The following DOCK3 variants were observed in gnomAD, a reference collection of about 807,000 sequenced individuals.
DOCK3 encodes dedicator of cytokinesis protein 3.
A neutral mutation model predicts 265.6 loss-of-function variants in DOCK3; 60 were observed. The ratio of observed to expected loss-of-function variants is 0.23; its 90% CI spans 0.18 to 0.28. The LOEUF (loss-of-function observed/expected upper bound fraction) is 0.28, where lower values mean the gene tolerates loss of function less well. DOCK3 is among the 10% of genes least tolerant of loss of function. The probability of loss-of-function intolerance (pLI) is 1.00; values close to 1 mark genes in which losing one functional copy is unlikely to be tolerated. For missense variants in DOCK3, 1,981 were observed against 2,594.3 expected (o/e 0.76, Z 5.14); for synonymous variants, 881 against 938.0 (o/e 0.94, Z 1.11).
At chr3:51,079,174 G>GA (rs985930238) in intron 7 of DOCK3, among the ~76,000 whole-genome samples, 2 of 152,094 alleles carry the variant, frequency 1.3e-5, no homozygotes, top group Admixed American at 6.5e-5. Flanking sequence ...TGATTTTAGG[G>GA]AAAAAATCCT....
intron 5 of DOCK3, among the ~76,000 whole-genome samples, chr3:50,940,288 CCAA>C (rs2076253342): frequency 5.6e-5 from 1 of 18,002 alleles, no homozygotes. Context: ...CCCATTTCTA[CCAA>C]AAAAAAAAAA....
At chr3:51,156,214 A>G (rs1049756050) in intron 10 of DOCK3, among the ~76,000 whole-genome samples, 1 of 152,222 alleles carries the variant, frequency 6.6e-6, no homozygotes, top group Non-Finnish European at 1.5e-5. Flanking sequence ...TCCCAGGCAC[A>G]GGGAAGTTAA....
At position 50,844,272 on chromosome 3, in the gene DOCK3, G is replaced by A. The variant is rs1042811882; in HGVS notation, c.162+2557G>A. Reference sequence around the variant, plus strand: ...ACTCTGTCATCCAGGCTGGAGTCCAGTGGCATGATTATAGCTCACTATAGT... The same window carrying A: ...ACTCTGTCATCCAGGCTGGAGTCCAATGGCATGATTATAGCTCACTATAGT... On this transcript the variant is annotated intron_variant, in intron 3 of 52. Coordinates refer to ENST00000266037, the MANE Select transcript of DOCK3 (RefSeq NM_004947.5). 2.6e-5 allele frequency among the ~76,000 whole-genome samples: 4 copies of A among 152,226 alleles called. No individual in the cohort carries two copies. In the East Asian group the frequency reaches 5.8e-4, roughly 22 times the overall value.
intron 1 of DOCK3, among the ~76,000 whole-genome samples, chr3:50,725,579 G>T (rs994531225): frequency 6.6e-6 from 1 of 152,100 alleles, no homozygotes; most frequent in Non-Finnish European, 1.5e-5. Context: ...CCAAGTGAAT[G>T]CTTAATGAAG....
chr3:50,788,983 T>A (rs1002506335), intron 2 of DOCK3, among the ~76,000 whole-genome samples: 6 of 152,374 alleles, frequency 3.9e-5, no homozygotes, highest in Middle Eastern at 3.4e-3. Context: ...TCCATTTCAT[T>A]TAGTTCTGCT....
chr3:51,334,417 G>A lies in DOCK3; in HGVS notation c.3611+1164G>A, dbSNP rs180810622. Among the ~76,000 whole-genome samples, 14 of 152,324 alleles carry A rather than the reference G, an allele frequency of 9.2e-5. No homozygotes were observed. In the East Asian group the frequency reaches 2.7e-3, roughly 29 times the overall value. On this transcript the variant is annotated intron_variant, in intron 35 of 52. Transcript: ENST00000266037. ...TTTTCAGCTCATGGATCAGGAAATA[G>A]GAGAGTTAAGCCTGGATCCAGTTGC...
intron 49 of DOCK3, among the ~76,000 whole-genome samples, chr3:51,363,910 A>G (rs2110382567): frequency 6.6e-6 from 1 of 152,312 alleles, no homozygotes; most frequent in African/African-American, 2.4e-5. Flanking sequence ...GGTTGGTTCC[A>G]AGTCTTTGCT....
At position 51,149,184 on chromosome 3, in the gene DOCK3, G is replaced by A. The variant is rs190355170; in HGVS notation, c.828+2554G>A. 2.4e-3 allele frequency among the ~76,000 whole-genome samples: 358 copies of A among 152,300 alleles called. 3 individuals are homozygous for A. Among genetic ancestry groups the A allele is most frequent in the African/African-American group, 7.9e-3 (329 of 41,560 alleles). On this transcript the variant is annotated intron_variant, in intron 10 of 52. Coordinates refer to ENST00000266037, the MANE Select transcript of DOCK3 (RefSeq NM_004947.5). ...GGAATGCTTGTGATTTTTGCACATTGATTTTGTGTCCTGAAACTTTGCTGA... is the reference window on the plus strand; with the variant it reads ...GGAATGCTTGTGATTTTTGCACATTAATTTTGTGTCCTGAAACTTTGCTGA...
intron 27 of DOCK3, among the ~76,000 whole-genome samples, chr3:51,281,274 A>AAAATATATATATATATATATAT (rs2081096243): frequency 4.0e-5 from 5 of 125,672 alleles, no homozygotes; most frequent in African/African-American, 1.5e-4. Flanking sequence ...GATGAGCTAA[A>AAAATATATATATATATATATAT]ATATATATAT....
At chr3:51,010,007 T>C (rs1244240991) in intron 5 of DOCK3, among the ~76,000 whole-genome samples, 1 of 152,200 alleles carries the variant, frequency 6.6e-6, no homozygotes, top group South Asian at 2.1e-4. Flanking sequence ...TTCTATTCTT[T>C]TACATTTGCT....
chr3:51,236,506 A>C, intron 20 of DOCK3, 78 bp downstream of exon 20: 1 of 1,253,720 alleles, frequency 8.0e-7, no homozygotes, highest in Non-Finnish European at 1.1e-6. Context: ...GAAGCAATTT[A>C]TTAGAGTGAA....
chr3:51,055,974 A>C (rs1401646212), intron 5 of DOCK3, among the ~76,000 whole-genome samples: 1 of 152,172 alleles, frequency 6.6e-6, no homozygotes, highest in Non-Finnish European at 1.5e-5. Context: ...GGCCCTTGAG[A>C]TGTGGAGGAG....
At position 51,351,900 on chromosome 3, in the gene DOCK3, G is replaced by A. The variant is rs1461177425; in HGVS notation, c.4107+1508G>A. On this transcript the variant is annotated intron_variant, in intron 40 of 52. Transcript: ENST00000266037. The stretch of plus-strand genomic sequence containing the variant: ...TCGAACTCCTGACCTTATGTGATCC[G>A]CCCGCCTCGGCCTCCCAAAGTGCTG... Among the ~76,000 whole-genome samples the A allele has an allele frequency of 3.3e-5, 5 of 152,010 alleles. No homozygotes were observed. In the East Asian group the frequency reaches 5.8e-4, roughly 18 times the overall value.
chr3:51,011,845 C>G (rs2078965003), intron 5 of DOCK3, among the ~76,000 whole-genome samples: 1 of 152,186 alleles, frequency 6.6e-6, no homozygotes. Context: ...TTCTAACAGT[C>G]AGGTTCCTGA....
intron 7 of DOCK3, among the ~76,000 whole-genome samples, chr3:51,082,514 G>T (rs985210093): frequency 6.6e-6 from 1 of 152,178 alleles, no homozygotes; most frequent in East Asian, 1.9e-4. Context: ...TAGAACCTGA[G>T]AGCTGCATGT....
chr3:50,675,416 C>T lies in DOCK3; in HGVS notation c.37+116C>T. On this transcript the variant is annotated intron_variant, in intron 1 of 52. Coordinates refer to ENST00000266037, the MANE Select transcript of DOCK3 (RefSeq NM_004947.5). The surrounding 1 kb of genome is among the most constrained non-coding windows in gnomAD (Gnocchi z 6.1). The stretch of plus-strand genomic sequence containing the variant: ...CCACTGCCCGCAGGCTGCGCGGCCT[C>T]GGCGCGGGGCGAGCGCGGGGTGGGG... 1.0e-6 allele frequency: 1 copy of T among 952,738 alleles called. No individual in the cohort carries two copies. The highest frequency in any genetic ancestry group is 1.3e-6 in the Non-Finnish European group (1 of 762,306). 59.0% of individuals were successfully genotyped at this position (952,738 alleles called of 1,614,324 possible).
intron 7 of DOCK3, among the ~76,000 whole-genome samples, chr3:51,082,330 C>T (rs1402174380): frequency 6.6e-6 from 1 of 152,098 alleles, no homozygotes. Context: ...GCCCTGCTGA[C>T]ATCCCCCTAT....
chr3:51,026,820 A>T (rs2079844052), intron 5 of DOCK3, among the ~76,000 whole-genome samples: 1 of 151,800 alleles, frequency 6.6e-6, no homozygotes, highest in African/African-American at 2.4e-5. Flanking sequence ...ATGTGGCATC[A>T]GTTTTATTAT....
At chr3:51,127,377 C>T (rs897397705) in intron 9 of DOCK3, among the ~76,000 whole-genome samples, 2 of 152,068 alleles carry the variant, frequency 1.3e-5, no homozygotes, top group Non-Finnish European at 2.9e-5. Context: ...AACTTGAACC[C>T]ATACACATCT....
Sources: allele counts gnomAD v4.1 joint callset (sites outside exome capture counted in the v4.1 genomes callset), GRCh38; gene constraint gnomAD v4.1.1; non-coding constraint Gnocchi (gnomAD v3.1); transcripts MANE v1.5; gene names NCBI Gene and HGNC (gene_info 2026-07-23, HGNC 2026-07-21).